SLIT2: variants seen among roughly 807,000 people sequenced by gnomAD.
The protein encoded by SLIT2 is slit guidance ligand 2, also known as slit homolog 2 protein.
In SLIT2, 41 loss-of-function variants were observed where a neutral mutation model predicts 185.7. The ratio of observed to expected loss-of-function variants is 0.22; its 90% CI spans 0.17 to 0.29. The LOEUF is 0.29. Ranked by LOEUF, SLIT2 falls within the 10% of genes least tolerant of loss-of-function variation. SLIT2 has a pLI of 1.00. For missense variants in SLIT2, 1,571 were observed against 1,909.0 expected (o/e 0.82, Z 3.30); for synonymous variants, 693 against 680.2 (o/e 1.02, Z -0.29).
At chr4:20,280,545 T>C (rs1474386275) in intron 4 of SLIT2, among the ~76,000 whole-genome samples, 1 of 152,054 alleles carries the variant, frequency 6.6e-6, no homozygotes, top group East Asian at 1.9e-4. Context: ...TACCAGAATT[T>C]AGCAGAAGGC....
intron 26 of SLIT2, among the ~76,000 whole-genome samples, chr4:20,557,069 G>A (rs11732845): frequency 0.35 from 52,885 of 151,848 alleles, 10,142 homozygotes; most frequent in East Asian, 0.8. Context: ...AAAGTTGGAA[G>A]CTAGCAGAGG....
intron 33 of SLIT2, among the ~76,000 whole-genome samples, chr4:20,606,387 CA>C (rs1728797320): frequency 1.3e-5 from 2 of 151,690 alleles, no homozygotes; most frequent in African/African-American, 4.8e-5. Flanking sequence ...GAAGCTGAGG[CA>C]GCAGGATCAC....
chr4:20,265,403 T>C (rs1187580661), intron 3 of SLIT2, among the ~76,000 whole-genome samples: 1 of 151,908 alleles, frequency 6.6e-6, no homozygotes, highest in African/African-American at 2.4e-5. Flanking sequence ...GAAGAGAGAA[T>C]AGAAAAAGTG....
At chr4:20,416,566 G>A (rs912865603) in intron 4 of SLIT2, among the ~76,000 whole-genome samples, 1 of 151,258 alleles carries the variant, frequency 6.6e-6, no homozygotes, top group Non-Finnish European at 1.5e-5. Flanking sequence ...TCCATTTCAG[G>A]TATTTTTAAA....
At chr4:20,451,188 C>T (rs918898124) in intron 4 of SLIT2, among the ~76,000 whole-genome samples, 8 of 152,176 alleles carry the variant, frequency 5.3e-5, no homozygotes, top group Non-Finnish European at 1.0e-4. Flanking sequence ...CTCCGTTACA[C>T]CTTCCTGAAG....
intron 4 of SLIT2, among the ~76,000 whole-genome samples, chr4:20,287,915 TAA>T (rs1715427412): frequency 6.6e-6 from 1 of 152,184 alleles, no homozygotes; most frequent in Non-Finnish European, 1.5e-5. Context: ...TATTGATGTT[TAA>T]GTTTTATAAA....
At chr4:20,600,207 AGTAAAG>A (rs1314785196) in intron 33 of SLIT2, among the ~76,000 whole-genome samples, 1 of 152,068 alleles carries the variant, frequency 6.6e-6, no homozygotes, top group African/African-American at 2.4e-5. Flanking sequence ...CAGAAGCCAT[AGTAAAG>A]GTTTTTGGTT....
At chr4:20,324,939 A>G (rs1000708487) in intron 4 of SLIT2, among the ~76,000 whole-genome samples, 1 of 152,078 alleles carries the variant, frequency 6.6e-6, no homozygotes, top group South Asian at 2.1e-4. Context: ...TACGTTAATT[A>G]TATTTTGCTT....
chr4:20,462,712 C>A (rs192846174), intron 4 of SLIT2, among the ~76,000 whole-genome samples: 1 of 152,302 alleles, frequency 6.6e-6, no homozygotes, highest in Non-Finnish European at 1.5e-5. Flanking sequence ...CCCAATCAAG[C>A]TATTTCCTTC....
chr4:20,577,190 A>C (rs1726147803), intron 29 of SLIT2, among the ~76,000 whole-genome samples: 1 of 152,158 alleles, frequency 6.6e-6, no homozygotes, highest in Non-Finnish European at 1.5e-5. Flanking sequence ...CATTCCAAGA[A>C]CATTAATAAT....
rs114267427 is a variant in SLIT2 at position 20,399,236 on chromosome 4, A to G, written c.396-68516A>G. Among the ~76,000 whole-genome samples the G allele has an allele frequency of 3.5e-3, 535 of 151,868 alleles. 4 individuals carry two copies. The highest frequency in any genetic ancestry group is 0.012 in the African/African-American group (513 of 41,494). On this transcript the variant is annotated intron_variant, in intron 4 of 36. Coordinates refer to ENST00000504154, the MANE Select transcript of SLIT2 (RefSeq NM_004787.4). The stretch of plus-strand genomic sequence containing the variant: ...TTATAAAATAATAGTAGCATAATAT[A>G]ATTTTTCACAATTATAATTTATATA...
At chr4:20,377,090 A>T (rs1299239104) in intron 4 of SLIT2, among the ~76,000 whole-genome samples, 1 of 152,196 alleles carries the variant, frequency 6.6e-6, no homozygotes, top group Non-Finnish European at 1.5e-5. Context: ...CTAATTTCTC[A>T]AGAAATATGT....
At chr4:20,441,796 T>C (rs907716302) in intron 4 of SLIT2, among the ~76,000 whole-genome samples, 8 of 152,172 alleles carry the variant, frequency 5.3e-5, no homozygotes, top group African/African-American at 1.7e-4. Flanking sequence ...CCATCTACTA[T>C]ACAGCAGCCC....
chr4:20,538,213 G>A (rs932556622), intron 18 of SLIT2, among the ~76,000 whole-genome samples: 1 of 152,148 alleles, frequency 6.6e-6, no homozygotes, highest in African/African-American at 2.4e-5. Flanking sequence ...GCCCGCCTCG[G>A]CCTCCCAAAG....
intron 18 of SLIT2, among the ~76,000 whole-genome samples, chr4:20,538,005 G>T (rs560800673): frequency 6.6e-6 from 1 of 152,234 alleles, no homozygotes; most frequent in South Asian, 2.1e-4. Flanking sequence ...TGTCGCCCAG[G>T]CTGGAGTGCT....
Position 20,567,623 on chromosome 4 carries a change from A to G in SLIT2, c.2948+8A>G, listed in dbSNP as rs767377405. ...AGAAGAAGATGGATTCTGGTAGGTCATTAGTCTATGACCATCTGTGTCTGA... is the reference window on the plus strand; with the variant it reads ...AGAAGAAGATGGATTCTGGTAGGTCGTTAGTCTATGACCATCTGTGTCTGA... On this transcript the variant is annotated splice_region_variant and intron_variant, in intron 28 of 36. Transcript: ENST00000504154. 2 of 1,595,796 alleles carry G rather than the reference A, an allele frequency of 1.3e-6. No homozygotes were observed. Among genetic ancestry groups the G allele is most frequent in the South Asian group, 2.2e-5 (2 of 90,670 alleles).
In SLIT2 at chr4:20,612,540, A is replaced by T. The variant is rs536893580; in HGVS notation, c.3847+2373A>T. On this transcript the variant is annotated intron_variant, in intron 34 of 36. Transcript: ENST00000504154. ...ATTTTCAAACCACAAGGAACCTGTA[A>T]GACCACAGCCTTGAATGCTGTATGG... is the stretch of plus-strand genomic sequence containing the variant. Among the ~76,000 whole-genome samples the T allele has an allele frequency of 2.5e-3, 379 of 152,280 alleles. 1 individual carries two copies. Among genetic ancestry groups the T allele is most frequent in the Admixed American group, 6.1e-3 (93 of 15,296 alleles).
At chr4:20,336,384 A>G (rs2109216652) in intron 4 of SLIT2, among the ~76,000 whole-genome samples, 1 of 152,284 alleles carries the variant, frequency 6.6e-6, no homozygotes, top group Non-Finnish European at 1.5e-5. Flanking sequence ...CTTTGTAGGG[A>G]CATGGATGAA....
intron 5 of SLIT2, among the ~76,000 whole-genome samples, chr4:20,476,444 ATAAAG>A (rs1256762190): frequency 6.6e-6 from 1 of 152,188 alleles, no homozygotes; most frequent in Non-Finnish European, 1.5e-5. Context: ...TAATACGAAC[ATAAAG>A]TAAACTATTT....
Sources: allele counts gnomAD v4.1 joint callset (sites outside exome capture counted in the v4.1 genomes callset), GRCh38; gene constraint gnomAD v4.1.1; transcripts MANE v1.5; gene names NCBI Gene and HGNC (gene_info 2026-07-23, HGNC 2026-07-21).